The following SYCP2L variants were observed in gnomAD, a reference collection of about 807,000 sequenced individuals.
SYCP2L encodes the protein synaptonemal complex protein 2-like.
A neutral mutation model predicts 125.8 loss-of-function variants in SYCP2L; 98 were observed. That is an observed-to-expected ratio of 0.78 (90% CI 0.66 to 0.92). The LOEUF (loss-of-function observed/expected upper bound fraction) is 0.92, where lower values mean the gene tolerates loss of function less well. SYCP2L is among the 40% of genes least tolerant of loss of function. SYCP2L has a pLI of 0.00. For synonymous variants in SYCP2L, 317 were observed against 325.4 expected (o/e 0.97, Z 0.28); for missense variants, 842 against 936.4 (o/e 0.90, Z 1.32).
intron 20 of SYCP2L, among the ~76,000 whole-genome samples, chr6:10,933,396 CCT>C (rs1304362179): frequency 1.3e-5 from 2 of 152,178 alleles, no homozygotes; most frequent in African/African-American, 4.8e-5. Context: ...TTTGCCAACC[CCT>C]GATACAGAGC....
chr6:10,930,035 C>T (rs551695776), intron 18 of SYCP2L: 1 of 162,882 alleles, frequency 6.1e-6, no homozygotes, highest in Non-Finnish European at 1.3e-5. Flanking sequence ...TATTCCCATA[C>T]TTTTCTTTTG....
rs142059343 is a variant in SYCP2L, at chr6:10,901,366, G to T, written c.467-1311G>T. 5.1e-3 allele frequency among the ~76,000 whole-genome samples: 781 copies of T among 152,202 alleles called. 7 individuals are homozygous for T. The highest frequency in any genetic ancestry group is 0.023 in the South Asian group (112 of 4,812). ...TTTTATACAATATTACTCTCACTTTGCAGTCTTTGCCCCTTACAATCCTGT... is the reference window on the plus strand; with the variant it reads ...TTTTATACAATATTACTCTCACTTTTCAGTCTTTGCCCCTTACAATCCTGT... On this transcript the variant is annotated intron_variant, in intron 6 of 29. Transcript: ENST00000283141.
chr6:10,932,427 G>A (rs1290537386), intron 20 of SYCP2L, among the ~76,000 whole-genome samples: 1 of 152,168 alleles, frequency 6.6e-6, no homozygotes, highest in Non-Finnish European at 1.5e-5. Flanking sequence ...AGCAAGTTCG[G>A]AGCGGTTTAT....
At chr6:10,970,536 A>T (rs1329088577) in intron 29 of SYCP2L, among the ~76,000 whole-genome samples, 3 of 152,124 alleles carry the variant, frequency 2.0e-5, no homozygotes, top group African/African-American at 7.2e-5. Flanking sequence ...AGGATTGCTG[A>T]TGGCTTGGAT....
rs114864028 is a variant in SYCP2L at position 10,930,048 on chromosome 6, A to C, written c.1489-322A>C. ...AATATTCCCATACTTTTCTTTTGCC[A>C]TCTGACTTAGTATTTTCAAGTAGTA... On this transcript the variant is annotated intron_variant, in intron 18 of 29. Transcript: ENST00000283141. The C allele has an allele frequency of 9.6e-3, 1,629 of 169,602 alleles. 30 individuals carry two copies. Among genetic ancestry groups the C allele is most frequent in the African/African-American group, 0.036 (1,521 of 42,272 alleles). 10.5% of individuals were successfully genotyped at this position (169,602 alleles called of 1,614,324 possible). A position where few individuals can be genotyped will look rare whatever the true frequency, so the allele number is the denominator to read the frequency against.
At chr6:10,947,446 A>G (rs1781335169) in intron 23 of SYCP2L, among the ~76,000 whole-genome samples, 1 of 152,052 alleles carries the variant, frequency 6.6e-6, no homozygotes, top group African/African-American at 2.4e-5. Context: ...GATCTGTGTC[A>G]TTGTCTGCGT....
rs184097675 is a variant in SYCP2L at position 10,888,914 on chromosome 6, C to T, written c.9+1779C>T. ...TCTCACTCTGTCACCCAGGCTGGAG[C>T]GCAGTGGCTGGATCTCGGCTCACTG... On this transcript the variant is annotated intron_variant, in intron 1 of 29. Transcript: ENST00000283141. Among the ~76,000 whole-genome samples the T allele has an allele frequency of 4.6e-3, 693 of 152,028 alleles. 5 individuals carry two copies. Among genetic ancestry groups the T allele is most frequent in the African/African-American group, 0.016 (645 of 41,450 alleles).
Position 10,907,292 on chromosome 6 carries a change from G to A in SYCP2L, c.677-250G>A, listed in dbSNP as rs1401486528. ...CAGGAGGCAAAGGTTGCAGTGAGTC[G>A]AGATTGGGCCACTGCACTCCAGCCA... On this transcript the variant is annotated intron_variant, in intron 9 of 29. Coordinates refer to ENST00000283141, the MANE Select transcript of SYCP2L (RefSeq NM_001040274.3). 5.9e-5 allele frequency among the ~76,000 whole-genome samples: 9 copies of A among 151,762 alleles called. No individual in the cohort carries two copies. In the East Asian group the frequency reaches 7.8e-4, roughly 13 times the overall value.
chr6:10,914,895 C>T (rs1780665146), intron 14 of SYCP2L, among the ~76,000 whole-genome samples: 1 of 151,736 alleles, frequency 6.6e-6, no homozygotes, highest in Admixed American at 6.6e-5. Flanking sequence ...TACAGGTGCC[C>T]ACCACCACAC....
At chr6:10,896,576 ATTTCT>A (rs548638615) in intron 4 of SYCP2L, among the ~76,000 whole-genome samples, 1 of 152,124 alleles carries the variant, frequency 6.6e-6, no homozygotes, top group Non-Finnish European at 1.5e-5. Context: ...GTAGAGGGAC[ATTTCT>A]TTTCTTGTGC....
intron 9 of SYCP2L, among the ~76,000 whole-genome samples, chr6:10,907,104 G>T (rs554570658): frequency 6.6e-6 from 1 of 151,996 alleles, no homozygotes; most frequent in Admixed American, 6.6e-5. Context: ...GGCACTTTGG[G>T]AGGCCGAGGT....
At chr6:10,958,929 C>T (rs1464119577) in intron 26 of SYCP2L, 54 bp downstream of exon 26, 14 of 1,492,612 alleles carry the variant, frequency 9.4e-6, no homozygotes, top group Middle Eastern at 1.7e-4. Context: ...TCACCAACAG[C>T]GTTTATCTCA....
At chr6:10,966,725 TAAAC>T (rs1198336725) in intron 29 of SYCP2L, among the ~76,000 whole-genome samples, 1 of 152,076 alleles carries the variant, frequency 6.6e-6, no homozygotes, top group Non-Finnish European at 1.5e-5. Context: ...AAATCTGAAA[TAAAC>T]AAAATGGAAA....
chr6:10,957,582 G>C (rs115026560), intron 25 of SYCP2L, among the ~76,000 whole-genome samples: 9 of 152,272 alleles, frequency 5.9e-5, no homozygotes, highest in South Asian at 2.1e-4. Flanking sequence ...GGAGGCCAAG[G>C]GGGGAGAATC....
intron 11 of SYCP2L, 91 bp downstream of exon 11, chr6:10,910,291 G>A (rs1022264386): frequency 2.4e-5 from 29 of 1,199,522 alleles, no homozygotes; most frequent in African/African-American, 3.2e-5. Context: ...TTCATTTTAG[G>A]AGAGAATATT....
chr6:10,972,075 A>C (rs1781784187), intron 29 of SYCP2L, among the ~76,000 whole-genome samples: 1 of 152,178 alleles, frequency 6.6e-6, no homozygotes, highest in Non-Finnish European at 1.5e-5. Context: ...ACAAGATCTT[A>C]TTTTTTAATA....
chr6:10,916,374 G>A (rs140435108), intron 14 of SYCP2L, among the ~76,000 whole-genome samples: 1 of 152,190 alleles, frequency 6.6e-6, no homozygotes, highest in East Asian at 1.9e-4. Context: ...AGTTTGGTTT[G>A]TTCTTATTTC....
intron 4 of SYCP2L, among the ~76,000 whole-genome samples, chr6:10,894,831 G>A (rs34803002): frequency 0.11 from 16,414 of 152,144 alleles, 1,395 homozygotes; most frequent in African/African-American, 0.24. Context: ...CAGCCCAGAG[G>A]CAAGTTTGTT....
intron 23 of SYCP2L, among the ~76,000 whole-genome samples, chr6:10,943,584 G>A (rs893383553): frequency 6.6e-6 from 1 of 151,670 alleles, no homozygotes; most frequent in African/African-American, 2.4e-5. Context: ...GTGAACATCT[G>A]TGTAACCACA....
Sources: allele counts gnomAD v4.1 joint callset (sites outside exome capture counted in the v4.1 genomes callset), GRCh38; gene constraint gnomAD v4.1.1; transcripts MANE v1.5; gene names NCBI Gene and HGNC (gene_info 2026-07-23, HGNC 2026-07-21).